SUGCT: variants seen among roughly 807,000 people sequenced by gnomAD.
The protein encoded by SUGCT is succinyl-CoA:glutarate CoA-transferase.
SUGCT carries 41 observed loss-of-function variants against 55.0 expected under a neutral mutation model. That is an observed-to-expected ratio of 0.74 (90% CI 0.58 to 0.97). The LOEUF is 0.97. SUGCT is among the 50% of genes least tolerant of loss of function. The pLI is 0.00. For missense variants in SUGCT, 568 were observed against 547.8 expected, an observed-to-expected ratio of 1.04 and a Z score of -0.37; for synonymous variants, 187 against 200.4, an observed-to-expected ratio of 0.93 and a Z score of 0.56.
At chr7:40,495,003 T>G (rs927775737) in intron 11 of SUGCT, among the ~76,000 whole-genome samples, 3 of 152,024 alleles carry the variant, frequency 2.0e-5, no homozygotes, top group African/African-American at 7.2e-5. Flanking sequence ...GTCTGTCTCC[T>G]GGGTTCAAGG....
At chr7:41,001,724 G>A in the SUGCT span, among the ~76,000 whole-genome samples, 3 of 152,010 alleles carry the variant, frequency 2.0e-5, no homozygotes, top group Admixed American at 2.0e-4. Flanking sequence ...GATGCATAAG[G>A]GCTCCACCCT....
the SUGCT span, among the ~76,000 whole-genome samples, chr7:40,893,078 C>T: frequency 6.6e-6 from 1 of 151,918 alleles, no homozygotes; most frequent in Non-Finnish European, 1.5e-5. Context: ...TCCCAAAAGA[C>T]AAAGAAGGTC....
chr7:40,271,668 T>A (rs1792025942), intron 7 of SUGCT, among the ~76,000 whole-genome samples: 2 of 152,182 alleles, frequency 1.3e-5, no homozygotes, highest in Admixed American at 1.3e-4. Flanking sequence ...TATTTACCAT[T>A]TCTCTGTTCT....
chr7:40,415,169 C>T (rs534204310), intron 9 of SUGCT, among the ~76,000 whole-genome samples: 2 of 149,264 alleles, frequency 1.3e-5, no homozygotes, highest in East Asian at 4.0e-4. Context: ...TACTCAGAGG[C>T]TGAGGCAGGA....
chr7:40,685,091 A>C (rs1784410624), intron 12 of SUGCT, among the ~76,000 whole-genome samples: 1 of 152,078 alleles, frequency 6.6e-6, no homozygotes, highest in Non-Finnish European at 1.5e-5. Context: ...TCCTGACCTT[A>C]AGTGGTCCAC....
chr7:40,535,656 A>G (rs944937519), intron 12 of SUGCT, among the ~76,000 whole-genome samples: 1 of 152,202 alleles, frequency 6.6e-6, no homozygotes, highest in African/African-American at 2.4e-5. Context: ...TGTGGTACAT[A>G]TATACTATGG....
chr7:40,825,098 G>A (rs1792250529), intron 13 of SUGCT, among the ~76,000 whole-genome samples: 2 of 152,174 alleles, frequency 1.3e-5, no homozygotes, highest in Non-Finnish European at 2.9e-5. Context: ...GATGTTAAAG[G>A]TTGTGCAGGA....
chr7:40,527,177 A>G (rs1793844519), intron 12 of SUGCT, among the ~76,000 whole-genome samples: 1 of 152,204 alleles, frequency 6.6e-6, no homozygotes, highest in African/African-American at 2.4e-5. Context: ...CATGATGCCA[A>G]AAAGGTTCTG....
the SUGCT span, among the ~76,000 whole-genome samples, chr7:40,870,616 A>G: frequency 6.6e-6 from 1 of 152,234 alleles, no homozygotes; most frequent in Non-Finnish European, 1.5e-5. Flanking sequence ...GATACCATAG[A>G]AAATATGCAA....
rs1788679990 is a variant in SUGCT, at chr7:40,153,328, T to TA, written c.100+18209dup. 127 of 364,538 alleles carry TA rather than the reference T, an allele frequency of 3.5e-4. 1 individual carries two copies. Among genetic ancestry groups the TA allele is most frequent in the South Asian group, 3.3e-3 (127 of 39,054 alleles). The allele number at this position is 364,538 out of a possible 1,614,324, so 22.6% of individuals were successfully genotyped here. A position where few individuals can be genotyped will look rare whatever the true frequency, so the allele number is the denominator to read the frequency against. ...CATGTGCAACAGAGTAGGAGAGAAA[T>TA]ACTGCTTTCCCTCAAATGAGACTGG... On this transcript the variant is annotated intron_variant, in intron 1 of 13. Transcript: ENST00000335693.
At chr7:41,031,688 T>C in the SUGCT span, among the ~76,000 whole-genome samples, 1 of 152,108 alleles carries the variant, frequency 6.6e-6, no homozygotes, top group South Asian at 2.1e-4. Context: ...ACATTCTTCT[T>C]CCAAATTCTT....
rs112231108 is a variant in SUGCT, at chr7:40,224,593, A to G, written c.485-13042A>G. On this transcript the variant is annotated intron_variant, in intron 6 of 13. Transcript: ENST00000335693. The stretch of plus-strand genomic sequence containing the variant: ...TAAAAAACAGTGTATGTTGTAGGCA[A>G]GATAGTATCTTGATTCCTAGCTCCT... Among the ~76,000 whole-genome samples the G allele has an allele frequency of 4.4e-4, 67 of 152,296 alleles. 1 individual carries two copies. The highest frequency in any genetic ancestry group is 1.4e-3 in the African/African-American group (60 of 41,562).
chr7:40,488,084 A>G (rs1183254449), intron 11 of SUGCT, among the ~76,000 whole-genome samples: 1 of 151,148 alleles, frequency 6.6e-6, no homozygotes, highest in East Asian at 1.9e-4. Context: ...TATGGAGTTA[A>G]TACTGCCATT....
chr7:40,940,985 T>A, the SUGCT span, among the ~76,000 whole-genome samples: 2 of 152,126 alleles, frequency 1.3e-5, no homozygotes, highest in African/African-American at 4.8e-5. Flanking sequence ...TTTTCCCTAT[T>A]TAGTATGTTG....
At chr7:40,426,015 A>C (rs1039627340) in intron 9 of SUGCT, among the ~76,000 whole-genome samples, 1 of 152,316 alleles carries the variant, frequency 6.6e-6, no homozygotes, top group Non-Finnish European at 1.5e-5. Context: ...AATTTATTAT[A>C]ATGTCTGGCA....
intron 8 of SUGCT, among the ~76,000 whole-genome samples, chr7:40,309,531 G>A (rs1445890747): frequency 6.6e-6 from 1 of 152,148 alleles, no homozygotes; most frequent in African/African-American, 2.4e-5. Flanking sequence ...CTGACCTCAA[G>A]TGATCCACCT....
the SUGCT span, among the ~76,000 whole-genome samples, chr7:40,991,398 T>G: frequency 1.3e-5 from 2 of 152,030 alleles, no homozygotes; most frequent in Non-Finnish European, 2.9e-5. Flanking sequence ...ATAATAATAA[T>G]TTGAAAAATT....
chr7:40,242,934 T>TATATATATATATA (rs1491495282), intron 7 of SUGCT, among the ~76,000 whole-genome samples: 68 of 17,980 alleles, frequency 3.8e-3, no homozygotes, highest in South Asian at 0.011. Flanking sequence ...TATATATATA[T>TATATATATATATA]TTTTTTTTTT....
chr7:40,413,309 T>G (rs1786793978), intron 9 of SUGCT, among the ~76,000 whole-genome samples: 1 of 152,130 alleles, frequency 6.6e-6, no homozygotes, highest in African/African-American at 2.4e-5. Context: ...TCCCGGCATC[T>G]CCTCAAGAAT....
Sources: gnomAD v4.1 joint callset for allele counts (sites outside exome capture counted in the v4.1 genomes callset) on GRCh38, gnomAD v4.1.1 for gene constraint, MANE v1.5 for transcripts, NCBI Gene and HGNC (gene_info 2026-07-23, HGNC 2026-07-21) for gene names.